The following PRIM2 variants were observed in gnomAD, a reference collection of about 807,000 sequenced individuals.
PRIM2 encodes the protein DNA primase large subunit.
Under a neutral mutation model 67.3 loss-of-function variants are expected in PRIM2, and 39 were observed. The observed-to-expected ratio is 0.58, with a 90% CI of 0.45 to 0.76. The LOEUF is 0.76. Among genes scored for constraint, PRIM2 ranks in the 30% least tolerant of loss-of-function variants. PRIM2 has a pLI of 0.00. For missense variants in PRIM2, 398 were observed against 598.7 expected, an observed-to-expected ratio of 0.66 and a Z score of 3.50; for synonymous variants, 143 against 198.7, an observed-to-expected ratio of 0.72 and a Z score of 2.36.
intron 10 of PRIM2, among the ~76,000 whole-genome samples, chr6:57,589,404 G>A (rs1776246929): frequency 6.6e-6 from 1 of 151,990 alleles, no homozygotes. Flanking sequence ...GGGAGGTGAG[G>A]GACTGGAGGA....
the PRIM2 span, among the ~76,000 whole-genome samples, chr6:57,230,941 A>G: frequency 6.6e-6 from 1 of 152,172 alleles, no homozygotes; most frequent in African/African-American, 2.4e-5. Context: ...AAAGCCAGGC[A>G]CAGATACCTG....
At chr6:57,608,696 G>A (rs1194930839) in intron 12 of PRIM2, among the ~76,000 whole-genome samples, 2 of 150,422 alleles carry the variant, frequency 1.3e-5, no homozygotes, top group African/African-American at 2.4e-5. Flanking sequence ...ATTGGCAATG[G>A]AGTGAGACCC....
At chr6:57,421,124 G>T (rs1409384493) in intron 7 of PRIM2, among the ~76,000 whole-genome samples, 1 of 152,194 alleles carries the variant, frequency 6.6e-6, no homozygotes, top group Non-Finnish European at 1.5e-5. Flanking sequence ...CCAAGGAGCA[G>T]ATAGTCAGGA....
intron 8 of PRIM2, among the ~76,000 whole-genome samples, chr6:57,510,627 A>G (rs1324054972): frequency 1.3e-5 from 2 of 151,268 alleles, no homozygotes; most frequent in Non-Finnish European, 3.0e-5. Flanking sequence ...ATGTGCACCC[A>G]CTGCTGTTGC....
upstream of PRIM2, among the ~76,000 whole-genome samples, chr6:57,311,553 CG>C (rs1216066340): frequency 6.6e-6 from 1 of 152,046 alleles, no homozygotes; most frequent in Non-Finnish European, 1.5e-5. Context: ...GAGGGGGCGG[CG>C]GGGCAGAGGG....
chr6:57,467,078 C>T (rs1773217040), intron 7 of PRIM2, among the ~76,000 whole-genome samples: 1 of 129,166 alleles, frequency 7.7e-6, no homozygotes, highest in African/African-American at 3.0e-5. Context: ...GCACTCCAGC[C>T]TGGGCAACAA....
At chr6:57,255,623 G>A in the PRIM2 span, among the ~76,000 whole-genome samples, 12 of 152,110 alleles carry the variant, frequency 7.9e-5, no homozygotes, top group Non-Finnish European at 1.8e-4. Flanking sequence ...GGTTGGGGAG[G>A]GAGTGATAAA....
intron 8 of PRIM2, among the ~76,000 whole-genome samples, chr6:57,510,663 A>T (rs1774346014): frequency 1.3e-5 from 2 of 152,190 alleles, no homozygotes; most frequent in South Asian, 4.1e-4. Context: ...ATTAAACAAA[A>T]CGGTTTCTCA....
intron 8 of PRIM2, among the ~76,000 whole-genome samples, chr6:57,510,683 C>CATGT (rs1774346599): frequency 6.6e-6 from 1 of 152,030 alleles, no homozygotes; most frequent in African/African-American, 2.4e-5. Flanking sequence ...ATTTTATTAC[C>CATGT]ATGTCAGAGA....
chr6:57,569,449 T>G (rs1443034532), intron 10 of PRIM2, among the ~76,000 whole-genome samples: 1 of 152,168 alleles, frequency 6.6e-6, no homozygotes, highest in Non-Finnish European at 1.5e-5. Flanking sequence ...AGTAATTGGA[T>G]TAGTTAAAAA....
chr6:57,316,729 C>G (rs1767492849), upstream of PRIM2, among the ~76,000 whole-genome samples: 1 of 152,218 alleles, frequency 6.6e-6, no homozygotes, highest in African/African-American at 2.4e-5. Context: ...GAAAATCTTA[C>G]AGACAGCGGA....
intron 9 of PRIM2, among the ~76,000 whole-genome samples, chr6:57,533,287 A>G (rs1406763222): frequency 2.6e-5 from 4 of 152,134 alleles, no homozygotes; most frequent in Non-Finnish European, 4.4e-5. Context: ...TTTGCACTCC[A>G]TACACAAAGG....
At chr6:57,645,304 C>CT (rs1777314612) in intron 13 of PRIM2, among the ~76,000 whole-genome samples, 1 of 147,298 alleles carries the variant, frequency 6.8e-6, no homozygotes. Context: ...CTGTGCCTCA[C>CT]TAACATACAA....
chr6:57,518,585 A>T (rs1282520914), intron 8 of PRIM2, among the ~76,000 whole-genome samples: 2 of 152,192 alleles, frequency 1.3e-5, no homozygotes, highest in African/African-American at 4.8e-5. Flanking sequence ...TGAGTGAATT[A>T]TAGAAACTGT....
intron 7 of PRIM2, among the ~76,000 whole-genome samples, chr6:57,443,897 G>A (rs1772280084): frequency 6.6e-6 from 1 of 151,784 alleles, no homozygotes; most frequent in South Asian, 2.1e-4. Flanking sequence ...TAGAGTTTCT[G>A]GTCTTATGTT....
intron 10 of PRIM2, chr6:57,587,129 G>A (rs1165214838): frequency 1.3e-5 from 2 of 152,182 alleles, no homozygotes; most frequent in African/African-American, 4.8e-5. Context: ...GTCTTTTCTT[G>A]CCATTGCCTT....
chr6:57,398,004 G>A (rs1770581533), intron 7 of PRIM2, among the ~76,000 whole-genome samples: 1 of 147,740 alleles, frequency 6.8e-6, no homozygotes, highest in African/African-American at 2.5e-5. Flanking sequence ...TCTTGTTCCA[G>A]GCTGGAGTGC....
chr6:57,311,036 C>T (rs185257359), upstream of PRIM2, among the ~76,000 whole-genome samples: 11 of 148,116 alleles, frequency 7.4e-5, no homozygotes, highest in South Asian at 2.2e-4. Flanking sequence ...CAGAGACACC[C>T]GTCACCTCCC....
the PRIM2 span, among the ~76,000 whole-genome samples, chr6:57,286,685 G>A: frequency 6.6e-6 from 1 of 152,092 alleles, no homozygotes; most frequent in African/African-American, 2.4e-5. Context: ...TACCATTCAG[G>A]ACATAGGCAT....
Sources: gnomAD v4.1 joint callset for allele counts (sites outside exome capture counted in the v4.1 genomes callset) on GRCh38, gnomAD v4.1.1 for gene constraint, MANE v1.5 for transcripts, NCBI Gene and HGNC (gene_info 2026-07-23, HGNC 2026-07-21) for gene names.